Variants in GABRG3 observed in about 807,000 individuals in gnomAD.
GABRG3 encodes the protein gamma-aminobutyric acid type A receptor subunit gamma3.
In GABRG3, 25 loss-of-function variants were observed where a neutral mutation model predicts 48.8. The observed-to-expected ratio is 0.51, with a 90% CI of 0.37 to 0.72. The LOEUF (loss-of-function observed/expected upper bound fraction) is 0.72. Ranked by LOEUF, GABRG3 falls within the 30% of genes least tolerant of loss-of-function variation. GABRG3 has a pLI of 0.00. For missense variants in GABRG3, 394 were observed against 577.9 expected, an observed-to-expected ratio of 0.68 and a Z score of 3.26; for synonymous variants, 227 against 217.6, an observed-to-expected ratio of 1.04 and a Z score of -0.38.
intron 3 of GABRG3, among the ~76,000 whole-genome samples, chr15:27,065,124 G>A (rs1896715589): frequency 6.6e-6 from 1 of 152,168 alleles, no homozygotes; most frequent in Non-Finnish European, 1.5e-5. Context: ...CACGTTGGCT[G>A]CCACTCTCAA....
intron 3 of GABRG3, among the ~76,000 whole-genome samples, chr15:27,043,820 C>G (rs1474494685): frequency 6.6e-6 from 1 of 152,242 alleles, no homozygotes; most frequent in African/African-American, 2.4e-5. Flanking sequence ...TAGCTGGCTC[C>G]TCCGCTTCAG....
chr15:27,129,048 T>C (rs758764730), intron 3 of GABRG3, among the ~76,000 whole-genome samples: 3 of 152,180 alleles, frequency 2.0e-5, no homozygotes, highest in African/African-American at 7.2e-5. Context: ...ATACATAACA[T>C]AGAACATGTA....
chr15:27,315,763 A>G (rs984325111), intron 3 of GABRG3, among the ~76,000 whole-genome samples: 1 of 152,230 alleles, frequency 6.6e-6, no homozygotes, highest in Non-Finnish European at 1.5e-5. Context: ...ACACTTTGCA[A>G]ATAATTAAAA....
At chr15:27,253,131 G>A (rs1566981002) in intron 3 of GABRG3, among the ~76,000 whole-genome samples, 1 of 152,198 alleles carries the variant, frequency 6.6e-6, no homozygotes, top group Non-Finnish European at 1.5e-5. Context: ...GTAGTCACCG[G>A]GCTGCTGGAC....
intron 2 of GABRG3, among the ~76,000 whole-genome samples, chr15:27,010,037 A>G (rs540104756): frequency 4.0e-4 from 61 of 152,102 alleles, no homozygotes; most frequent in Middle Eastern, 6.8e-3. Flanking sequence ...CTCTGCCTCC[A>G]GGGCTCAAGT....
chr15:27,144,947 C>T (rs1898171015), intron 3 of GABRG3, among the ~76,000 whole-genome samples: 1 of 152,068 alleles, frequency 6.6e-6, no homozygotes, highest in African/African-American at 2.4e-5. Context: ...AAGAATACAG[C>T]CTTTACAGAA....
intron 3 of GABRG3, among the ~76,000 whole-genome samples, chr15:27,301,705 G>C (rs924288625): frequency 4.0e-5 from 6 of 151,828 alleles, no homozygotes; most frequent in Non-Finnish European, 7.4e-5. Context: ...AACAAACAAA[G>C]AAGAAAACTC....
At chr15:27,001,683 C>T (rs1007768476) in intron 2 of GABRG3, among the ~76,000 whole-genome samples, 1 of 152,156 alleles carries the variant, frequency 6.6e-6, no homozygotes, top group Non-Finnish European at 1.5e-5. Context: ...GTCATATTAG[C>T]TTTGTGCTCA....
chr15:27,119,234 G>A (rs1897692016), intron 3 of GABRG3, among the ~76,000 whole-genome samples: 1 of 152,108 alleles, frequency 6.6e-6, no homozygotes, highest in Admixed American at 6.5e-5. Flanking sequence ...CTCTTCATCA[G>A]ACCCAAGCAT....
In GABRG3 at chr15:27,533,497, A is replaced by G. The variant is rs998713110; in HGVS notation, c.*616A>G. 3.3e-5 allele frequency: 5 copies of G among 152,326 alleles called. No homozygotes were observed. Among genetic ancestry groups the G allele is most frequent in the African/African-American group, 9.6e-5 (4 of 41,454 alleles). 9.4% of individuals were successfully genotyped at this position (152,326 alleles called of 1,614,324 possible). On this transcript the variant is annotated 3_prime_UTR_variant, in exon 10 of 10. Transcript: ENST00000615808. ...TGGGGAGAGTACACTCGCATTGTCTACGGTTTCCATTGGAGGAGAAAATAA... is the reference window on the plus strand; with the variant it reads ...TGGGGAGAGTACACTCGCATTGTCTGCGGTTTCCATTGGAGGAGAAAATAA...
rs1399459612 is a variant in GABRG3, at chr15:27,352,138, T to TTGTGTGTTTGTGTATGGTG, written c.574+23283_574+23301dup. On this transcript the variant is annotated intron_variant, in intron 5 of 9. Transcript: ENST00000615808. The surrounding 1 kb of genome is among the most constrained non-coding windows in gnomAD (Gnocchi z 4.0). ...TGTGTGTGTATGTATGATGTGTGTA[T>TTGTGTGTTTGTGTATGGTG]TGTGTGTTTGTGTATGGTGTGTGTG... is the stretch of plus-strand genomic sequence containing the variant. Among the ~76,000 whole-genome samples the TTGTGTGTTTGTGTATGGTG allele has an allele frequency of 6.6e-6, 1 of 150,592 alleles. No individual in the cohort carries two copies. The highest frequency in any genetic ancestry group is 2.4e-5 in the African/African-American group (1 of 40,884).
chr15:27,192,189 G>A (rs1207763679), intron 3 of GABRG3, among the ~76,000 whole-genome samples: 1 of 152,070 alleles, frequency 6.6e-6, no homozygotes, highest in African/African-American at 2.4e-5. Flanking sequence ...TGGTGAATCT[G>A]ACAATTGTGT....
intron 3 of GABRG3, among the ~76,000 whole-genome samples, chr15:27,228,886 C>T (rs1889708314): frequency 6.6e-6 from 1 of 152,070 alleles, no homozygotes; most frequent in Non-Finnish European, 1.5e-5. Context: ...CTGTTCATGT[C>T]CTTTGCCCAC....
chr15:27,177,149 G>GTT (rs1887773340), intron 3 of GABRG3, among the ~76,000 whole-genome samples: 1 of 152,146 alleles, frequency 6.6e-6, no homozygotes. Flanking sequence ...TCACAGGAGT[G>GTT]GCAACACTGT....
intron 3 of GABRG3, among the ~76,000 whole-genome samples, chr15:27,121,650 A>T (rs572125604): frequency 1.3e-5 from 2 of 152,236 alleles, no homozygotes; most frequent in Non-Finnish European, 2.9e-5. Flanking sequence ...CTTAGAAAGG[A>T]TATGTAATTT....
chr15:27,493,017 G>A (rs750710681), intron 6 of GABRG3, among the ~76,000 whole-genome samples: 2 of 152,210 alleles, frequency 1.3e-5, no homozygotes, highest in Non-Finnish European at 2.9e-5. Context: ...AAATACCCTT[G>A]AGACAAAATA....
chr15:27,502,943 G>A (rs564941807), intron 6 of GABRG3, among the ~76,000 whole-genome samples: 5 of 152,250 alleles, frequency 3.3e-5, no homozygotes, highest in Admixed American at 2.0e-4. Flanking sequence ...CCACATGTTC[G>A]GCCATCTGGA....
At chr15:27,220,806 G>A (rs76283224) in intron 3 of GABRG3, among the ~76,000 whole-genome samples, 4,273 of 152,166 alleles carry the variant, frequency 0.028, 77 homozygotes, top group Admixed American at 0.051. Flanking sequence ...GAGGATTCAA[G>A]ATTTTTCCTT....
At chr15:27,422,659 T>G (rs993552149) in intron 5 of GABRG3, among the ~76,000 whole-genome samples, 1 of 152,224 alleles carries the variant, frequency 6.6e-6, no homozygotes, top group Non-Finnish European at 1.5e-5. Context: ...AGTGTTACTT[T>G]CCCCCACTGG....
Sources: gnomAD v4.1 joint callset for allele counts (sites outside exome capture counted in the v4.1 genomes callset) on GRCh38, gnomAD v4.1.1 for gene constraint, Gnocchi (gnomAD v3.1) non-coding constraint, MANE v1.5 for transcripts, NCBI Gene and HGNC (gene_info 2026-07-23, HGNC 2026-07-21) for gene names.